HEMK2: variants seen among roughly 807,000 people sequenced by gnomAD.
The protein encoded by HEMK2 is HemK methyltransferase 2, ETF1 glutamine and histone H4 lysine, also known as methyltransferase HEMK2.
the HEMK2 span, among the ~76,000 whole-genome samples, chr21:28,838,972 A>AATATATATATATACATATATAT: frequency 3.4e-5 from 1 of 29,164 alleles, no homozygotes; most frequent in Non-Finnish European, 5.6e-5. Context: ...AAAAAAAAAA[A>AATATATATATATACATATATAT]ATATATATAT....
At chr21:28,763,928 A>C in the HEMK2 span, among the ~76,000 whole-genome samples, 1 of 99,246 alleles carries the variant, frequency 1.0e-5, no homozygotes, top group African/African-American at 8.7e-5. Flanking sequence ...AGCAGTCCTC[A>C]ACCGTGACTG....
chr21:28,829,247 G>C, the HEMK2 span, among the ~76,000 whole-genome samples: 2 of 152,198 alleles, frequency 1.3e-5, no homozygotes, highest in African/African-American at 4.8e-5. Context: ...AGTCTTGTTA[G>C]TTGTGAGTTG....
At chr21:28,769,633 C>A in the HEMK2 span, among the ~76,000 whole-genome samples, 1 of 152,070 alleles carries the variant, frequency 6.6e-6, no homozygotes, top group Non-Finnish European at 1.5e-5. Flanking sequence ...GAAACAGAGC[C>A]CCTTTTTCTC....
chr21:28,689,075 T>C, the HEMK2 span, among the ~76,000 whole-genome samples: 1 of 151,958 alleles, frequency 6.6e-6, no homozygotes, highest in African/African-American at 2.4e-5. Flanking sequence ...AAGTATAACA[T>C]ACCATCAATT....
the HEMK2 span, among the ~76,000 whole-genome samples, chr21:28,819,192 T>C: frequency 6.6e-6 from 1 of 152,232 alleles, no homozygotes; most frequent in Admixed American, 6.5e-5. Context: ...TAGATGGGTA[T>C]TGTTGGATAC....
chr21:28,875,593 A>T, the HEMK2 span: 1 of 153,226 alleles, frequency 6.5e-6, no homozygotes, highest in Admixed American at 6.5e-5. Flanking sequence ...TCTGGGCCCT[A>T]CTCAAAACTA....
chr21:28,834,851 G>GTGAGGCCTGTAAC, the HEMK2 span, among the ~76,000 whole-genome samples: 1 of 152,072 alleles, frequency 6.6e-6, no homozygotes, highest in African/African-American at 2.4e-5. Context: ...CGGGAGCTGG[G>GTGAGGCCTGTAAC]TGAGGCCTGT....
At chr21:28,781,083 A>G in the HEMK2 span, among the ~76,000 whole-genome samples, 2 of 152,164 alleles carry the variant, frequency 1.3e-5, no homozygotes, top group Admixed American at 6.5e-5. Context: ...TGGCTTTATT[A>G]TCTTCATTTT....
At chr21:28,787,273 T>C in the HEMK2 span, among the ~76,000 whole-genome samples, 3 of 152,170 alleles carry the variant, frequency 2.0e-5, no homozygotes, top group Admixed American at 6.5e-5. Flanking sequence ...GAAGGTAACA[T>C]TGGAAAAACC....
chr21:28,769,103 C>T, the HEMK2 span, among the ~76,000 whole-genome samples: 2 of 152,038 alleles, frequency 1.3e-5, no homozygotes, highest in African/African-American at 4.8e-5. Flanking sequence ...GGCAAACAAA[C>T]AGAGGTCCAG....
At chr21:28,580,753 T>G in the HEMK2 span, among the ~76,000 whole-genome samples, 1 of 152,148 alleles carries the variant, frequency 6.6e-6, no homozygotes, top group Non-Finnish European at 1.5e-5. Flanking sequence ...CCTGGATAGC[T>G]AAAACACTTA....
chr21:28,841,343 T>TATATA, the HEMK2 span, among the ~76,000 whole-genome samples: 2 of 18,550 alleles, frequency 1.1e-4, 1 homozygote, highest in African/African-American at 2.4e-3. Context: ...ATATATATTA[T>TATATA]ATATATAAAT....
chr21:28,679,257 A>G, the HEMK2 span, among the ~76,000 whole-genome samples: 27 of 152,316 alleles, frequency 1.8e-4, no homozygotes, highest in Non-Finnish European at 3.7e-4. Context: ...AGTCTCAGAT[A>G]AAACAGACTT....
At chr21:28,710,137 T>A in the HEMK2 span, among the ~76,000 whole-genome samples, 3 of 152,238 alleles carry the variant, frequency 2.0e-5, no homozygotes, top group Non-Finnish European at 4.4e-5. Context: ...GCTCCTTGGA[T>A]AACCTCCTAA....
At chr21:28,720,540 T>C in the HEMK2 span, among the ~76,000 whole-genome samples, 15 of 152,058 alleles carry the variant, frequency 9.9e-5, no homozygotes, top group Non-Finnish European at 1.3e-4. Context: ...TGAGACCAGC[T>C]TGGCCAACAT....
chr21:28,666,595 G>A, the HEMK2 span, among the ~76,000 whole-genome samples: 24 of 152,194 alleles, frequency 1.6e-4, no homozygotes, highest in African/African-American at 5.8e-4. Flanking sequence ...ACTGGAAACA[G>A]TTAAGAATCT....
the HEMK2 span, among the ~76,000 whole-genome samples, chr21:28,840,396 T>C: frequency 0.43 from 65,127 of 152,046 alleles, 15,770 homozygotes; most frequent in East Asian, 0.8. Context: ...GCTTTTGCAT[T>C]GCAAACGGAA....
the HEMK2 span, among the ~76,000 whole-genome samples, chr21:28,739,882 C>T: frequency 6.6e-6 from 1 of 152,146 alleles, no homozygotes; most frequent in African/African-American, 2.4e-5. Flanking sequence ...GTTTTCCAAA[C>T]ATAAGTAGAA....
the HEMK2 span, among the ~76,000 whole-genome samples, chr21:28,792,361 C>T: frequency 6.6e-6 from 1 of 152,068 alleles, no homozygotes; most frequent in South Asian, 2.1e-4. Flanking sequence ...GGACTTGTCC[C>T]AAATTCTTTC....
Sources: allele counts gnomAD v4.1 joint callset (sites outside exome capture counted in the v4.1 genomes callset), GRCh38; gene constraint gnomAD v4.1.1; transcripts MANE v1.5; gene names NCBI Gene and HGNC (gene_info 2026-07-23, HGNC 2026-07-21).